Variants in PATL1 observed in about 807,000 individuals in gnomAD.
The protein encoded by PATL1 is PAT1 homolog 1, processing body mRNA decay factor, also known as protein PAT1 homolog 1.
In PATL1, 32 loss-of-function variants were observed where a neutral mutation model predicts 100.6. The ratio of observed to expected loss-of-function variants is 0.32; its 90% CI spans 0.24 to 0.43. The LOEUF is 0.43. PATL1 is among the 20% of genes least tolerant of loss of function. The pLI, the probability that PATL1 is intolerant of heterozygous loss-of-function variation, is 1.00. For synonymous variants in PATL1, 332 were observed against 330.0 expected (o/e 1.01, Z -0.07); for missense variants, 747 against 949.9 (o/e 0.79, Z 2.81).
In PATL1 at chr11:59,637,460, C is replaced by A. The variant is rs1861208835; in HGVS notation, c.*930G>T. 6.6e-6 allele frequency: 1 copy of A among 152,658 alleles called. No homozygotes were observed. Among genetic ancestry groups the A allele is most frequent in the Non-Finnish European group, 1.5e-5 (1 of 68,066 alleles). The allele number at this position is 152,658 out of a possible 1,614,324, so 9.5% of individuals were successfully genotyped here. A position where few individuals can be genotyped will look rare whatever the true frequency, so the allele number is the denominator to read the frequency against. ...GTGGGGAAGAAGGAAGCATGGCTTA[C>A]TGAAGTAGTCTCAGGAAGACAGGGC... On this transcript the variant is annotated 3_prime_UTR_variant, in exon 19 of 19. Coordinates refer to ENST00000300146, the MANE Select transcript of PATL1 (RefSeq NM_152716.3).
At chr11:59,658,336 G>C (rs888959060) in intron 4 of PATL1, among the ~76,000 whole-genome samples, 23 of 127,912 alleles carry the variant, frequency 1.8e-4, no homozygotes, top group African/African-American at 6.5e-4. Flanking sequence ...TTTTTTTTTT[G>C]AGACAGAGTC....
chr11:59,643,056 C>T (rs1185089020), intron 15 of PATL1, 21 bp from the exon 16 acceptor site: 3 of 1,611,274 alleles, frequency 1.9e-6, no homozygotes, highest in East Asian at 2.2e-5. Flanking sequence ...CAAATAAAAG[C>T]ATTATATCCT....
rs760161470 is a variant in PATL1, at chr11:59,638,399, C to T, written c.2304G>A (p.Gly768=). The T allele has an allele frequency of 2.0e-5, 32 of 1,612,346 alleles. No homozygotes were observed. The South Asian group carries it at 3.2e-4, about 16-fold the overall frequency. Residue 768 remains glycine, a synonymous_variant, in exon 19 of 19, where the codon GGG becomes GGA. Transcript: ENST00000300146. Reference sequence around the variant, plus strand: ...CACATTTGGAGATCTTTTATCGTATCCCCTGAACTAGCCTAGGAGTACAAA... The same window carrying T: ...CACATTTGGAGATCTTTTATCGTATTCCCTGAACTAGCCTAGGAGTACAAA... ...LLETKLQLVQ[G]IR is the part of the protein sequence containing the mutation.
At position 59,649,614 on chromosome 11, in the gene PATL1, A is replaced by G; in HGVS notation, c.1585-4T>C. 16 of 1,611,206 alleles carry G rather than the reference A, an allele frequency of 9.9e-6. No homozygotes were observed. Among genetic ancestry groups the G allele is most frequent in the Non-Finnish European group, 1.4e-5 (16 of 1,178,570 alleles). ...CATCAAGGAGTAAGCTGTAGGTCTA[A>G]GAAGGGAGACAAAAGCAGGCCACAG... is the stretch of plus-strand genomic sequence containing the variant. On this transcript the variant is annotated splice_polypyrimidine_tract_variant and splice_region_variant and intron_variant, in intron 13 of 18. Transcript: ENST00000300146.
chr11:59,659,084 T>G, intron 3 of PATL1, 138 bp from the exon 4 acceptor site: 1 of 1,007,312 alleles, frequency 9.9e-7, no homozygotes, highest in Non-Finnish European at 1.5e-6. Flanking sequence ...GAATATACAT[T>G]ATTCCCCAAG....
intron 8 of PATL1, among the ~76,000 whole-genome samples, chr11:59,654,327 A>G (rs1198523168): frequency 6.6e-6 from 1 of 151,928 alleles, no homozygotes; most frequent in African/African-American, 2.4e-5. Flanking sequence ...AAATACAAAA[A>G]TTAGCTGGGC....
At chr11:59,659,088 C>A (rs1861590799) in intron 3 of PATL1, 142 bp from the exon 4 acceptor site, 1 of 1,006,836 alleles carries the variant, frequency 9.9e-7, no homozygotes, top group Non-Finnish European at 1.5e-6. Flanking sequence ...ATACATTATT[C>A]CCCAAGTTTA....
chr11:59,666,999 A>C (rs925752525), intron 1 of PATL1, 35 bp from the exon 2 acceptor site: 11 of 1,527,538 alleles, frequency 7.2e-6, no homozygotes, highest in Middle Eastern at 3.4e-4. Flanking sequence ...TTATTCATGA[A>C]ATTCACACCC....
At chr11:59,667,534 G>T (rs1043225571) in intron 1 of PATL1, among the ~76,000 whole-genome samples, 1 of 152,212 alleles carries the variant, frequency 6.6e-6, no homozygotes, top group Non-Finnish European at 1.5e-5. Flanking sequence ...GCTGTGGTAT[G>T]ACAAGTTCAA....
At chr11:59,647,276 T>C (rs546596620) in intron 15 of PATL1, among the ~76,000 whole-genome samples, 2 of 147,890 alleles carry the variant, frequency 1.4e-5, no homozygotes, top group African/African-American at 5.0e-5. Flanking sequence ...TGCTGTGGGA[T>C]ACCATTTAAC....
chr11:59,665,331 T>G (rs1259245818), intron 2 of PATL1, among the ~76,000 whole-genome samples: 4 of 152,254 alleles, frequency 2.6e-5, no homozygotes, highest in Non-Finnish European at 4.4e-5. Context: ...TGCTAAATTT[T>G]CTCTTTTTCC....
chr11:59,638,654 TC>T (rs1861227509), intron 18 of PATL1, among the ~76,000 whole-genome samples: 1 of 151,894 alleles, frequency 6.6e-6, no homozygotes, highest in Non-Finnish European at 1.5e-5. Flanking sequence ...TCAGTTTTAT[TC>T]CCCCCTCCAC....
chr11:59,640,796 G>T (rs1861267253), intron 16 of PATL1, among the ~76,000 whole-genome samples: 1 of 152,174 alleles, frequency 6.6e-6, no homozygotes, highest in Non-Finnish European at 1.5e-5. Flanking sequence ...ACTTTGGGAG[G>T]TGGAGGCAGT....
At position 59,655,808 on chromosome 11, in the gene PATL1, G is replaced by C. The variant is rs1225617317; in HGVS notation, c.814-68C>G. ...TCCCCTTGCTTTTGTCTACAGAAAA[G>C]TGAATACGGTTTTCCATCAATAACT... is the stretch of plus-strand genomic sequence containing the variant. On this transcript the variant is annotated intron_variant, in intron 7 of 18. Coordinates refer to ENST00000300146, the MANE Select transcript of PATL1 (RefSeq NM_152716.3). The C allele has an allele frequency of 1.2e-5, 18 of 1,440,582 alleles. No individual in the cohort carries two copies. In the Admixed American group the frequency reaches 3.6e-4, roughly 29 times the overall value. 89.2% of individuals were successfully genotyped at this position (1,440,582 alleles called of 1,614,324 possible).
chr11:59,654,738 T>G (rs1217402812), intron 8 of PATL1, among the ~76,000 whole-genome samples: 3 of 152,180 alleles, frequency 2.0e-5, no homozygotes. Context: ...TGACAGTTAA[T>G]ATGGCTAGGC....
At position 59,638,834 on chromosome 11, in the gene PATL1, C is replaced by T. The variant is rs116919525; in HGVS notation, c.2291+214G>A. 3.3e-3 allele frequency among the ~76,000 whole-genome samples: 498 copies of T among 152,216 alleles called. 2 individuals carry two copies. Among genetic ancestry groups the T allele is most frequent in the Non-Finnish European group, 5.0e-3 (337 of 68,004 alleles). Reference sequence around the variant, plus strand: ...TAGCTGGGATTACAGGCATGCACCACCGCACTTGGCTAATTTTCGTATTTT... The same window carrying T: ...TAGCTGGGATTACAGGCATGCACCATCGCACTTGGCTAATTTTCGTATTTT... On this transcript the variant is annotated intron_variant, in intron 18 of 18. Transcript: ENST00000300146.
chr11:59,646,424 G>A (rs535990271), intron 15 of PATL1, among the ~76,000 whole-genome samples: 20 of 151,866 alleles, frequency 1.3e-4, no homozygotes, highest in Non-Finnish European at 2.4e-4. Context: ...GGCCTCAAGC[G>A]ATCCACTTGC....
intron 1 of PATL1, among the ~76,000 whole-genome samples, chr11:59,668,669 G>C (rs1861729044): frequency 6.6e-6 from 1 of 152,068 alleles, no homozygotes; most frequent in South Asian, 2.1e-4. Context: ...ACTTTCCCCA[G>C]CGGCAACTAA....
In PATL1 at chr11:59,651,565, C is replaced by T. The variant is rs1861443672; in HGVS notation, c.1503G>A (p.Val501=). ...TTACATCATCCTCACTCCGAGATGTCACAACAGCATCAATCATTTTTCGGG... is the reference window on the plus strand; with the variant it reads ...TTACATCATCCTCACTCCGAGATGTTACAACAGCATCAATCATTTTTCGGG... ...NNPRKMIDAV[V]TSRSEDDETK... The change falls in exon 12 of 19, where the codon GTG becomes GTA. Residue 501 remains valine, a synonymous_variant. Transcript: ENST00000300146. 6.2e-7 allele frequency: 1 copy of T among 1,610,920 alleles called. No homozygotes were observed. Among genetic ancestry groups the T allele is most frequent in the Non-Finnish European group, 8.5e-7 (1 of 1,178,714 alleles).
Sources: allele counts gnomAD v4.1 joint callset (sites outside exome capture counted in the v4.1 genomes callset), GRCh38; gene constraint gnomAD v4.1.1; transcripts MANE v1.5; gene names NCBI Gene and HGNC (gene_info 2026-07-23, HGNC 2026-07-21).